Variants in COL25A1 observed in about 807,000 individuals in gnomAD.
The protein encoded by COL25A1 is collagen alpha-1(XXV) chain.
In COL25A1, 103 loss-of-function variants were observed where a neutral mutation model predicts 128.4. The ratio of observed to expected loss-of-function variants is 0.80; its 90% CI spans 0.68 to 0.94. The LOEUF (loss-of-function observed/expected upper bound fraction) is 0.94. COL25A1 is among the 40% of genes least tolerant of loss of function. COL25A1 has a pLI of 0.00. For synonymous variants in COL25A1, 279 were observed against 277.2 expected (o/e 1.01, Z -0.06); for missense variants, 745 against 840.0 (o/e 0.89, Z 1.40).
At chr4:109,088,650 A>G (rs1319546727) in intron 3 of COL25A1, among the ~76,000 whole-genome samples, 1 of 152,222 alleles carries the variant, frequency 6.6e-6, no homozygotes, top group African/African-American at 2.4e-5. Context: ...AATATTTGTT[A>G]AGAACCGGGT....
chr4:108,915,701 G>A (rs1380662380), intron 13 of COL25A1, among the ~76,000 whole-genome samples: 1 of 151,990 alleles, frequency 6.6e-6, no homozygotes, highest in African/African-American at 2.4e-5. Flanking sequence ...GATATTATTT[G>A]CCATATTTCT....
At chr4:109,151,815 A>G (rs1267365675) in intron 3 of COL25A1, among the ~76,000 whole-genome samples, 1 of 152,194 alleles carries the variant, frequency 6.6e-6, no homozygotes, top group Non-Finnish European at 1.5e-5. Flanking sequence ...ATCTGATTGC[A>G]TCAGGCAATA....
At chr4:108,829,636 T>C (rs898559100) in intron 32 of COL25A1, among the ~76,000 whole-genome samples, 1 of 151,702 alleles carries the variant, frequency 6.6e-6, no homozygotes. Context: ...TTGAGAATCT[T>C]GGCTTTGTCT....
At chr4:108,877,960 T>C (rs1739659563) in intron 19 of COL25A1, among the ~76,000 whole-genome samples, 2 of 152,174 alleles carry the variant, frequency 1.3e-5, no homozygotes. Flanking sequence ...TAACACTCTT[T>C]TGCCAATTTA....
intron 3 of COL25A1, among the ~76,000 whole-genome samples, chr4:109,204,992 G>A (rs1033705788): frequency 3.3e-5 from 5 of 152,120 alleles, no homozygotes; most frequent in Non-Finnish European, 7.4e-5. Flanking sequence ...TAGTGTGTGT[G>A]TTACCACTGT....
intron 3 of COL25A1, among the ~76,000 whole-genome samples, chr4:109,120,272 G>C (rs927706111): frequency 6.6e-6 from 1 of 152,026 alleles, no homozygotes; most frequent in Non-Finnish European, 1.5e-5. Context: ...TGGAAGTCTA[G>C]CTAATGTAAT....
intron 8 of COL25A1, among the ~76,000 whole-genome samples, chr4:108,967,572 A>T (rs1365342817): frequency 6.6e-6 from 1 of 152,154 alleles, no homozygotes; most frequent in Non-Finnish European, 1.5e-5. Context: ...AGATAGTGGT[A>T]GTTAGAATTT....
chr4:109,201,237 G>C (rs1776530712), intron 3 of COL25A1, among the ~76,000 whole-genome samples: 1 of 152,178 alleles, frequency 6.6e-6, no homozygotes, highest in East Asian at 1.9e-4. Context: ...TTATGATAAA[G>C]AATAGAGTTT....
intron 3 of COL25A1, among the ~76,000 whole-genome samples, chr4:109,191,906 T>G (rs1017813508): frequency 2.0e-5 from 3 of 152,220 alleles, no homozygotes. Context: ...CCATCTAAAT[T>G]ACTGTAATCA....
At chr4:109,212,654 G>A (rs1777669742) in intron 3 of COL25A1, among the ~76,000 whole-genome samples, 1 of 152,164 alleles carries the variant, frequency 6.6e-6, no homozygotes, top group Non-Finnish European at 1.5e-5. Flanking sequence ...AATGACTGTG[G>A]AGGAAAGTGG....
At chr4:108,845,819 G>T (rs1735017132) in intron 28 of COL25A1, among the ~76,000 whole-genome samples, 3 of 151,656 alleles carry the variant, frequency 2.0e-5, no homozygotes, top group African/African-American at 7.3e-5. Context: ...CTTTATTATG[G>T]TTTATTTTAC....
chr4:109,036,717 T>C (rs1214055855), intron 5 of COL25A1, among the ~76,000 whole-genome samples: 1 of 152,214 alleles, frequency 6.6e-6, no homozygotes, highest in Non-Finnish European at 1.5e-5. Context: ...TTCTTCACCA[T>C]TGATTAGAAG....
chr4:108,869,578 A>AC (rs1430492460), intron 19 of COL25A1, among the ~76,000 whole-genome samples: 2 of 152,152 alleles, frequency 1.3e-5, no homozygotes, highest in Non-Finnish European at 2.9e-5. Context: ...ATAGGATCGA[A>AC]TTGTAGGACA....
At chr4:109,025,772 A>G (rs1451957669) in intron 5 of COL25A1, among the ~76,000 whole-genome samples, 1 of 152,234 alleles carries the variant, frequency 6.6e-6, no homozygotes, top group Non-Finnish European at 1.5e-5. Flanking sequence ...CACAACACCA[A>G]GAGTTTTACA....
At chr4:108,907,787 T>G (rs1743709182) in intron 13 of COL25A1, among the ~76,000 whole-genome samples, 1 of 143,714 alleles carries the variant, frequency 7.0e-6, no homozygotes, top group Non-Finnish European at 1.5e-5. Context: ...AATTTTCACA[T>G]AAAATAGTAA....
intron 3 of COL25A1, among the ~76,000 whole-genome samples, chr4:109,208,495 AAAC>A (rs1777204421): frequency 6.6e-6 from 1 of 151,934 alleles, no homozygotes; most frequent in Middle Eastern, 3.4e-3. Flanking sequence ...AAAAAAAAAA[AAAC>A]AAATTATTAA....
At chr4:108,880,817 TA>T (rs1220893697) in intron 19 of COL25A1, among the ~76,000 whole-genome samples, 1 of 152,228 alleles carries the variant, frequency 6.6e-6, no homozygotes, top group Non-Finnish European at 1.5e-5. Context: ...AGGGGGTAAG[TA>T]ATGTATTTAC....
In COL25A1 at chr4:108,840,015, G is replaced by T. The variant is rs1734250728; in HGVS notation, c.1656+1680C>A. 2.0e-5 allele frequency among the ~76,000 whole-genome samples: 3 copies of T among 151,934 alleles called. No homozygotes were observed. In the South Asian group the frequency reaches 6.2e-4, roughly 32 times the overall value. ...CCAGCACTTTGGGAGGCCGAGGCGG[G>T]CGGATCACTTGGGGTCAGGAGTTCA... On this transcript the variant is annotated intron_variant, in intron 31 of 37. Transcript: ENST00000399132.
At chr4:108,985,724 G>T (rs1199042773) in intron 6 of COL25A1, among the ~76,000 whole-genome samples, 3 of 152,122 alleles carry the variant, frequency 2.0e-5, no homozygotes, top group Admixed American at 2.0e-4. Flanking sequence ...CATTCAGATT[G>T]CCCAAGTTTG....
Sources: allele counts gnomAD v4.1 joint callset (sites outside exome capture counted in the v4.1 genomes callset), GRCh38; gene constraint gnomAD v4.1.1; transcripts MANE v1.5; gene names NCBI Gene and HGNC (gene_info 2026-07-23, HGNC 2026-07-21).